ABCB5: variants seen among roughly 807,000 people sequenced by gnomAD.
ABCB5 encodes the protein ATP binding cassette subfamily B member 5.
ABCB5 carries 155 observed loss-of-function variants against 144.2 expected under a neutral mutation model. That is an observed-to-expected ratio of 1.08 (90% CI 0.94 to 1.23). ABCB5 has a LOEUF of 1.23. ABCB5 is among the 50% of genes most tolerant of loss of function. ABCB5 has a pLI of 0.00. For missense variants in ABCB5, 1,830 were observed against 1,520.8 expected (o/e 1.20, Z -3.38); for synonymous variants, 610 against 528.6 (o/e 1.15, Z -2.11).
intron 16 of ABCB5, among the ~76,000 whole-genome samples, chr7:20,688,023 C>G (rs1786059495): frequency 1.3e-5 from 2 of 152,070 alleles, no homozygotes; most frequent in Admixed American, 1.3e-4. Flanking sequence ...GAAACCCTGC[C>G]TCTACTAAAA....
At chr7:20,686,565 C>G (rs898499716) in intron 16 of ABCB5, among the ~76,000 whole-genome samples, 1 of 152,130 alleles carries the variant, frequency 6.6e-6, no homozygotes, top group Non-Finnish European at 1.5e-5. Flanking sequence ...TCACCTTAAC[C>G]CATGCTTCTC....
At chr7:20,621,587 T>G (rs565385737) in intron 1 of ABCB5, among the ~76,000 whole-genome samples, 1 of 152,100 alleles carries the variant, frequency 6.6e-6, no homozygotes, top group Non-Finnish European at 1.5e-5. Flanking sequence ...GCACATCATA[T>G]AAGCTCAATA....
intron 5 of ABCB5, among the ~76,000 whole-genome samples, chr7:20,635,219 G>C (rs1405036844): frequency 6.6e-6 from 1 of 152,070 alleles, no homozygotes; most frequent in Non-Finnish European, 1.5e-5. Context: ...TTGTAGGTAT[G>C]TGGCTTTATT....
At chr7:20,715,407 G>T (rs998807328) in intron 20 of ABCB5, among the ~76,000 whole-genome samples, 2 of 151,952 alleles carry the variant, frequency 1.3e-5, no homozygotes, top group Non-Finnish European at 2.9e-5. Flanking sequence ...TGGTGTATGT[G>T]TGTGTGTGCG....
At chr7:20,692,714 C>T (rs990022517) in intron 16 of ABCB5, among the ~76,000 whole-genome samples, 23 of 151,412 alleles carry the variant, frequency 1.5e-4, no homozygotes, top group Non-Finnish European at 3.2e-4. Context: ...AAAACAATAG[C>T]CAAAACACTG....
rs748370812 is a variant in ABCB5, at chr7:20,745,266, T to C, written c.3257T>C (p.Val1086Ala). 63 of 1,613,970 alleles carry C rather than the reference T, an allele frequency of 3.9e-5. No individual in the cohort carries two copies. In the South Asian group the frequency reaches 6.1e-4, roughly 16 times the overall value. ...GGTGTGGATGCAAAAGAATTGAATG[T>C]ACAGTGGCTCCGTTCCCAAATAGCA... ...FDGVDAKELN[V>A]QWLRSQIAIV... The change falls in exon 26 of 28, where the codon GTA (valine) becomes GCA (alanine). Residue 1086 changes from valine (V) to alanine (A), a missense_variant. By Grantham distance (64) the Val-to-Ala change is moderately conservative (BLOSUM62 0). Transcript: ENST00000404938.
At position 20,721,418 on chromosome 7, in the gene ABCB5, CTAGT is replaced by C. The variant is rs544198762; in HGVS notation, c.2422-1595_2422-1592del. ...TAAAGGTAAAGAGGTTATTTAGTGC[CTAGT>C]TAAAGTTGGCTAGTTTTTGAGTACC... On this transcript the variant is annotated intron_variant, in intron 20 of 27. Transcript: ENST00000404938. Among the ~76,000 whole-genome samples, 126 of 152,206 alleles carry C rather than the reference CTAGT, an allele frequency of 8.3e-4. No homozygotes were observed. In the South Asian group the frequency reaches 0.015, roughly 18 times the overall value.
At chr7:20,622,722 G>A (rs1204842168) in intron 1 of ABCB5, among the ~76,000 whole-genome samples, 2 of 151,986 alleles carry the variant, frequency 1.3e-5, no homozygotes, top group African/African-American at 4.8e-5. Flanking sequence ...AGTAAATTAT[G>A]CTTAATACAA....
Position 20,716,800 on chromosome 7 carries a change from G to A in ABCB5, c.2422-6216G>A, listed in dbSNP as rs962968564. On this transcript the variant is annotated intron_variant, in intron 20 of 27. Coordinates refer to ENST00000404938, the MANE Select transcript of ABCB5 (RefSeq NM_001163941.2). The stretch of plus-strand genomic sequence containing the variant: ...AGAAGAGAAACTGGACAATCTAGGA[G>A]TTCATTCAGAAAAGCAAAGTGGGTG... 1.4e-4 allele frequency among the ~76,000 whole-genome samples: 22 copies of A among 152,316 alleles called. 1 individual carries two copies. The East Asian group carries it at 2.3e-3, about 16-fold the overall frequency.
intron 16 of ABCB5, among the ~76,000 whole-genome samples, chr7:20,696,245 A>C (rs903674598): frequency 5.9e-5 from 9 of 152,162 alleles, no homozygotes; most frequent in African/African-American, 2.2e-4. Flanking sequence ...AAAGGAAATG[A>C]TATGCTGATT....
chr7:20,656,655 A>C (rs1784800818), intron 13 of ABCB5, among the ~76,000 whole-genome samples: 1 of 151,370 alleles, frequency 6.6e-6, no homozygotes, highest in Non-Finnish European at 1.5e-5. Context: ...CATTCATTCA[A>C]ATAAAAGTGA....
intron 2 of ABCB5, among the ~76,000 whole-genome samples, chr7:20,623,894 T>A (rs1783853333): frequency 6.6e-6 from 1 of 152,208 alleles, no homozygotes; most frequent in African/African-American, 2.4e-5. Context: ...CTGGAGAAGA[T>A]CCCTCCAGGT....
At chr7:20,655,253 C>G (rs1013846165) in intron 13 of ABCB5, among the ~76,000 whole-genome samples, 1 of 152,092 alleles carries the variant, frequency 6.6e-6, no homozygotes, top group Non-Finnish European at 1.5e-5. Context: ...AGGTGGATCA[C>G]TTGAGGAAAG....
At chr7:20,695,819 C>T (rs908080352) in intron 16 of ABCB5, among the ~76,000 whole-genome samples, 4 of 151,670 alleles carry the variant, frequency 2.6e-5, no homozygotes, top group African/African-American at 9.7e-5. Context: ...AAAAAGATGC[C>T]CAACGTGGTT....
At chr7:20,685,377 T>C (rs769727463) in intron 15 of ABCB5, among the ~76,000 whole-genome samples, 9 of 152,206 alleles carry the variant, frequency 5.9e-5, no homozygotes, top group Non-Finnish European at 1.5e-5. Flanking sequence ...AACAGTATCT[T>C]CTGTCTCAAA....
At chr7:20,693,851 A>G (rs1786315599) in intron 16 of ABCB5, among the ~76,000 whole-genome samples, 1 of 151,528 alleles carries the variant, frequency 6.6e-6, no homozygotes, top group Non-Finnish European at 1.5e-5. Flanking sequence ...TAAAAGACTA[A>G]TAAAATAATC....
chr7:20,676,941 T>C (rs527793493), intron 14 of ABCB5, among the ~76,000 whole-genome samples: 5 of 152,168 alleles, frequency 3.3e-5, no homozygotes, highest in Non-Finnish European at 7.4e-5. Flanking sequence ...ATGATGAAAT[T>C]ATTGAATACT....
At chr7:20,633,130 C>T (rs1784074179) in intron 5 of ABCB5, among the ~76,000 whole-genome samples, 1 of 151,888 alleles carries the variant, frequency 6.6e-6, no homozygotes, top group African/African-American at 2.4e-5. Context: ...TTTACTCACA[C>T]TAAATTTGGA....
At chr7:20,647,708 A>G in intron 10 of ABCB5, 60 bp downstream of exon 10, 4 of 1,530,228 alleles carry the variant, frequency 2.6e-6, no homozygotes, top group Non-Finnish European at 2.6e-6. Context: ...AGACAAAAAA[A>G]CATACACCCT....
Sources: gnomAD v4.1 joint callset for allele counts (sites outside exome capture counted in the v4.1 genomes callset) on GRCh38, gnomAD v4.1.1 for gene constraint, MANE v1.5 for transcripts, NCBI Gene and HGNC (gene_info 2026-07-23, HGNC 2026-07-21) for gene names.